Variants in ZCCHC7 observed in about 807,000 individuals in gnomAD.
ZCCHC7 encodes zinc finger CCHC-type containing 7.
Under a neutral mutation model 52.0 loss-of-function variants are expected in ZCCHC7, and 35 were observed. The ratio of observed to expected loss-of-function variants is 0.67; its 90% CI spans 0.51 to 0.89. The LOEUF (loss-of-function observed/expected upper bound fraction) is 0.89. Among genes scored for constraint, ZCCHC7 ranks in the 40% least tolerant of loss-of-function variants. The pLI is 0.00. For synonymous variants in ZCCHC7, 217 were observed against 221.5 expected (o/e 0.98, Z 0.18); for missense variants, 574 against 649.1 (o/e 0.88, Z 1.26).
intron 2 of ZCCHC7, among the ~76,000 whole-genome samples, chr9:37,141,698 A>G (rs1843234064): frequency 6.6e-6 from 1 of 151,916 alleles, no homozygotes. Flanking sequence ...GTTGTTTACA[A>G]GAAATCTGTT....
intron 5 of ZCCHC7, among the ~76,000 whole-genome samples, chr9:37,314,749 T>A (rs11999190): frequency 3.3e-3 from 398 of 120,852 alleles, no homozygotes; most frequent in African/African-American, 8.5e-3. Flanking sequence ...CGATCTCTTT[T>A]AAAAAAAAAA....
intron 2 of ZCCHC7, among the ~76,000 whole-genome samples, chr9:37,153,731 C>G (rs964758281): frequency 6.6e-6 from 1 of 151,740 alleles, no homozygotes; most frequent in Admixed American, 6.6e-5. Context: ...AAGATGCTAC[C>G]GCTCATCTTG....
rs189344786 is a variant in ZCCHC7 at position 37,140,123 on chromosome 9, T to G, written c.610+13181T>G. Among the ~76,000 whole-genome samples the G allele has an allele frequency of 7.2e-5, 11 of 152,126 alleles. No individual in the cohort carries two copies. In the East Asian group the frequency reaches 2.1e-3, roughly 29 times the overall value. The stretch of plus-strand genomic sequence containing the variant: ...AGAGAAGATGTGCAACCACAATCAA[T>G]CCTGTAAGTTAGTCCTTAATCCTGT... On this transcript the variant is annotated intron_variant, in intron 2 of 8. Transcript: ENST00000336755.
At chr9:37,146,115 A>T (rs889087819) in intron 2 of ZCCHC7, among the ~76,000 whole-genome samples, 1 of 151,904 alleles carries the variant, frequency 6.6e-6, no homozygotes, top group Non-Finnish European at 1.5e-5. Context: ...CATTTATCTC[A>T]GAGTTTTTGG....
chr9:37,342,534 G>GGC (rs1820706444), intron 6 of ZCCHC7, among the ~76,000 whole-genome samples: 1 of 152,314 alleles, frequency 6.6e-6, no homozygotes, highest in Admixed American at 6.5e-5. Context: ...TGAGCCCTGG[G>GGC]GCACTGCAGT....
At chr9:37,306,120 T>G (rs1484649481) in intron 5 of ZCCHC7, among the ~76,000 whole-genome samples, 1 of 152,082 alleles carries the variant, frequency 6.6e-6, no homozygotes, top group Admixed American at 6.5e-5. Flanking sequence ...CAGGCTGGAG[T>G]GCGGTGGTGC....
chr9:37,134,365 G>A (rs553767543), intron 2 of ZCCHC7, among the ~76,000 whole-genome samples: 36 of 152,132 alleles, frequency 2.4e-4, no homozygotes, highest in African/African-American at 8.0e-4. Flanking sequence ...TGTCTTTCCT[G>A]TGAATTGGTA....
At chr9:37,259,648 T>C (rs757055147) in intron 2 of ZCCHC7, among the ~76,000 whole-genome samples, 1 of 152,220 alleles carries the variant, frequency 6.6e-6, no homozygotes, top group Non-Finnish European at 1.5e-5. Context: ...ACAATTTTTC[T>C]AAAAGCTTTA....
At chr9:37,322,206 A>G (rs1279090129) in intron 5 of ZCCHC7, 1 of 152,142 alleles carries the variant, frequency 6.6e-6, no homozygotes, top group Non-Finnish European at 1.5e-5. Flanking sequence ...TCCCAGAATT[A>G]TAGGGATCTA....
rs564176709 is a variant in ZCCHC7 at position 37,348,525 on chromosome 9, A to G, written c.988-832A>G. 1.8e-3 allele frequency among the ~76,000 whole-genome samples: 268 copies of G among 152,078 alleles called. 1 individual carries two copies. Among genetic ancestry groups the G allele is most frequent in the South Asian group, 0.011 (55 of 4,810 alleles). ...CTCTGAAGTAGCTGGGACTACAGGC[A>G]CACACCACCATGCCCAGCTAATTTT... On this transcript the variant is annotated intron_variant, in intron 6 of 8. Coordinates refer to ENST00000336755, the MANE Select transcript of ZCCHC7 (RefSeq NM_032226.3).
intron 2 of ZCCHC7, among the ~76,000 whole-genome samples, chr9:37,178,083 A>G (rs1822143905): frequency 6.6e-6 from 1 of 152,210 alleles, no homozygotes; most frequent in Non-Finnish European, 1.5e-5. Context: ...AACTCGTTGT[A>G]CTATCTTCAC....
At chr9:37,196,998 G>A (rs997862767) in intron 2 of ZCCHC7, among the ~76,000 whole-genome samples, 1 of 152,042 alleles carries the variant, frequency 6.6e-6, no homozygotes. Context: ...ATATTGTAAC[G>A]TATTAAACAT....
chr9:37,346,758 T>A (rs1821000008), intron 6 of ZCCHC7, among the ~76,000 whole-genome samples: 1 of 152,202 alleles, frequency 6.6e-6, no homozygotes, highest in South Asian at 2.1e-4. Context: ...AAAGGATCAC[T>A]TGACCCCAGG....
chr9:37,277,699 T>A (rs1321257069), intron 2 of ZCCHC7, among the ~76,000 whole-genome samples: 1 of 152,128 alleles, frequency 6.6e-6, no homozygotes, highest in Non-Finnish European at 1.5e-5. Flanking sequence ...ATTTGGGGAA[T>A]CAGAAAATAG....
chr9:37,301,751 G>A (rs890930557), intron 2 of ZCCHC7, among the ~76,000 whole-genome samples: 2 of 152,186 alleles, frequency 1.3e-5, no homozygotes, highest in African/African-American at 4.8e-5. Flanking sequence ...TCCTCCTGGA[G>A]GTGTGAGAGG....
chr9:37,239,094 A>G (rs555421460), intron 2 of ZCCHC7, among the ~76,000 whole-genome samples: 146 of 152,322 alleles, frequency 9.6e-4, no homozygotes, highest in African/African-American at 3.4e-3. Context: ...AGAAAAAGCC[A>G]AAGGACTTAA....
chr9:37,334,133 T>A (rs1830555792), intron 6 of ZCCHC7, among the ~76,000 whole-genome samples: 3 of 152,034 alleles, frequency 2.0e-5, no homozygotes, highest in Admixed American at 6.6e-5. Flanking sequence ...ATTATGTAGA[T>A]AACTTTAGCA....
Position 37,196,275 on chromosome 9 carries a change from G to A in ZCCHC7, c.610+69333G>A, listed in dbSNP as rs78899278. Among the ~76,000 whole-genome samples, 218 of 152,258 alleles carry A rather than the reference G, an allele frequency of 1.4e-3. 1 individual carries two copies. The highest frequency in any genetic ancestry group is 5.0e-3 in the African/African-American group (209 of 41,564). ...TTTTGGATGAACAATGAAAGAGAGT[G>A]AACTGTTCTTTAAAAAGCTGTTTAT... is the stretch of plus-strand genomic sequence containing the variant. On this transcript the variant is annotated intron_variant, in intron 2 of 8. Transcript: ENST00000336755.
chr9:37,247,034 C>T (rs1444711513), intron 2 of ZCCHC7, among the ~76,000 whole-genome samples: 1 of 152,108 alleles, frequency 6.6e-6, no homozygotes, highest in Non-Finnish European at 1.5e-5. Flanking sequence ...TTAACTTATT[C>T]TTCCTATCTA....
Sources: allele counts gnomAD v4.1 joint callset (sites outside exome capture counted in the v4.1 genomes callset), GRCh38; gene constraint gnomAD v4.1.1; transcripts MANE v1.5; gene names NCBI Gene and HGNC (gene_info 2026-07-23, HGNC 2026-07-21).